NUBPL: variants seen among roughly 807,000 people sequenced by gnomAD.
NUBPL encodes the protein iron-sulfur cluster transfer protein NUBPL.
Under a neutral mutation model 45.7 loss-of-function variants are expected in NUBPL, and 31 were observed. The ratio of observed to expected loss-of-function variants is 0.68; its 90% CI spans 0.51 to 0.92. The LOEUF is 0.92. Among genes scored for constraint, NUBPL ranks in the 40% least tolerant of loss-of-function variants. The pLI is 0.00. For missense variants in NUBPL, 401 were observed against 398.7 expected (o/e 1.01, Z -0.05); for synonymous variants, 144 against 140.9 (o/e 1.02, Z -0.15).
At chr14:31,622,015 G>A (rs1472248320) in intron 4 of NUBPL, among the ~76,000 whole-genome samples, 2 of 152,334 alleles carry the variant, frequency 1.3e-5, no homozygotes, top group Non-Finnish European at 2.9e-5. Context: ...TGCTGATAGT[G>A]ATATGCACAA....
intron 6 of NUBPL, among the ~76,000 whole-genome samples, chr14:31,712,551 C>T (rs576965650): frequency 3.1e-4 from 47 of 152,340 alleles, no homozygotes; most frequent in East Asian, 9.7e-4. Context: ...GAGCCAGCTC[C>T]GGCCTCGGCC....
At chr14:31,750,511 T>A (rs1420700626) in intron 6 of NUBPL, among the ~76,000 whole-genome samples, 1 of 152,046 alleles carries the variant, frequency 6.6e-6, no homozygotes, top group Non-Finnish European at 1.5e-5. Context: ...TCATTATTTT[T>A]AATTATTTTT....
chr14:31,577,982 A>G (rs1474605650), intron 3 of NUBPL: 2 of 1,289,084 alleles, frequency 1.6e-6, no homozygotes, highest in Admixed American at 2.3e-5. Context: ...GTCTTAAATC[A>G]TCTGCCACTA....
At chr14:31,605,739 T>C (rs576541086) in intron 4 of NUBPL, among the ~76,000 whole-genome samples, 1 of 151,952 alleles carries the variant, frequency 6.6e-6, no homozygotes, top group African/African-American at 2.4e-5. Context: ...TTTCTTCTTC[T>C]TCTTCTTCCT....
chr14:31,825,850 T>A (rs368935805), intron 7 of NUBPL, among the ~76,000 whole-genome samples: 1 of 151,770 alleles, frequency 6.6e-6, no homozygotes, highest in Admixed American at 6.6e-5. Flanking sequence ...TCTTTCTTCT[T>A]TTTTCTTCCA....
intron 6 of NUBPL, among the ~76,000 whole-genome samples, chr14:31,681,705 T>G (rs2036838861): frequency 6.6e-6 from 1 of 152,124 alleles, no homozygotes; most frequent in Non-Finnish European, 1.5e-5. Context: ...TAGGCGTTGC[T>G]TAAACTTTCA....
At chr14:31,814,302 T>G (rs1415801699) in intron 7 of NUBPL, among the ~76,000 whole-genome samples, 4 of 152,246 alleles carry the variant, frequency 2.6e-5, no homozygotes, top group African/African-American at 9.6e-5. Context: ...GAGCTTTTTT[T>G]CATATGTTTG....
chr14:31,819,413 A>G (rs1179952781), intron 7 of NUBPL, among the ~76,000 whole-genome samples: 1 of 152,198 alleles, frequency 6.6e-6, no homozygotes, highest in Admixed American at 6.5e-5. Context: ...TTCTCCAGCT[A>G]TAACCCTGAG....
At chr14:31,588,007 G>T (rs1376445566) in intron 3 of NUBPL, among the ~76,000 whole-genome samples, 1 of 152,120 alleles carries the variant, frequency 6.6e-6, no homozygotes, top group Non-Finnish European at 1.5e-5. Context: ...AGAGGTCTTG[G>T]TGTACAGAAA....
intron 4 of NUBPL, among the ~76,000 whole-genome samples, chr14:31,640,145 A>G (rs1383941889): frequency 1.3e-5 from 2 of 152,132 alleles, no homozygotes; most frequent in Admixed American, 6.6e-5. Context: ...GGTACCTCAG[A>G]TGGAAATGCA....
At chr14:31,584,541 C>T (rs2033946591) in intron 3 of NUBPL, among the ~76,000 whole-genome samples, 1 of 152,200 alleles carries the variant, frequency 6.6e-6, no homozygotes, top group Non-Finnish European at 1.5e-5. Context: ...ACATCCACCA[C>T]CACCAATTTG....
chr14:31,648,535 G>A (rs547244811), intron 4 of NUBPL, among the ~76,000 whole-genome samples: 2 of 152,278 alleles, frequency 1.3e-5, no homozygotes, highest in Non-Finnish European at 2.9e-5. Flanking sequence ...TTTTATAGTC[G>A]TGGTGATATT....
chr14:31,669,340 A>C (rs1340664752), intron 4 of NUBPL, among the ~76,000 whole-genome samples: 1 of 152,344 alleles, frequency 6.6e-6, no homozygotes, highest in East Asian at 1.9e-4. Flanking sequence ...TTTGAGATAC[A>C]CAATACCTTA....
chr14:31,578,156 G>T, intron 3 of NUBPL: 3 of 465,830 alleles, frequency 6.4e-6, no homozygotes, highest in South Asian at 3.1e-5. Context: ...CTTAGAGAAG[G>T]TTTTAGGTAA....
chr14:31,635,317 G>A (rs1385067738), intron 4 of NUBPL, among the ~76,000 whole-genome samples: 1 of 152,178 alleles, frequency 6.6e-6, no homozygotes, highest in Non-Finnish European at 1.5e-5. Context: ...TGGCTAGCCA[G>A]TTTTCCCAGC....
chr14:31,598,946 A>C (rs1305185110), intron 3 of NUBPL, among the ~76,000 whole-genome samples: 1 of 152,196 alleles, frequency 6.6e-6, no homozygotes, highest in South Asian at 2.1e-4. Context: ...AATTGTTTAC[A>C]TGTAATTTGT....
rs539292817 is a variant in NUBPL, at chr14:31,859,387, A to G, written c.*207A>G. The G allele has an allele frequency of 2.1e-5, 12 of 582,370 alleles. No homozygotes were observed. The African/African-American group carries it at 2.2e-4, about 11-fold the overall frequency. The allele number at this position is 582,370 out of a possible 1,614,324, so 36.1% of individuals were successfully genotyped here. Reference sequence around the variant, plus strand: ...AACTGCTATATTTAGGAATTTTTTGAAAGCTGGTGTGTACCACCTGCAAAG... The same window carrying G: ...AACTGCTATATTTAGGAATTTTTTGGAAGCTGGTGTGTACCACCTGCAAAG... On this transcript the variant is annotated 3_prime_UTR_variant, in exon 11 of 11. Transcript: ENST00000281081.
intron 4 of NUBPL, among the ~76,000 whole-genome samples, chr14:31,642,196 T>C (rs1393812288): frequency 1.3e-5 from 2 of 152,144 alleles, no homozygotes; most frequent in Non-Finnish European, 2.9e-5. Flanking sequence ...TATGATCCCA[T>C]TCATTTGTTT....
intron 8 of NUBPL, among the ~76,000 whole-genome samples, chr14:31,842,111 A>G (rs781543037): frequency 2.0e-5 from 3 of 150,760 alleles, no homozygotes; most frequent in Non-Finnish European, 4.4e-5. Context: ...TTGTATTTTT[A>G]GTAGAGATGG....
Sources: allele counts gnomAD v4.1 joint callset (sites outside exome capture counted in the v4.1 genomes callset), GRCh38; gene constraint gnomAD v4.1.1; transcripts MANE v1.5; gene names NCBI Gene and HGNC (gene_info 2026-07-23, HGNC 2026-07-21).